Variants in ADAM32 observed in about 807,000 individuals in gnomAD.
ADAM32 encodes the protein ADAM metallopeptidase domain 32.
ADAM32 carries 89 observed loss-of-function variants against 114.9 expected under a neutral mutation model. The ratio of observed to expected loss-of-function variants is 0.77; its 90% confidence interval spans 0.65 to 0.92. The LOEUF (loss-of-function observed/expected upper bound fraction) is 0.92, where lower values mean the gene tolerates loss of function less well. Among genes scored for constraint, ADAM32 ranks in the 40% least tolerant of loss-of-function variants. ADAM32 has a pLI of 0.00. For missense variants in ADAM32, 870 were observed against 932.8 expected, an observed-to-expected ratio of 0.93 and a Z score of 0.88; for synonymous variants, 285 against 307.5, an observed-to-expected ratio of 0.93 and a Z score of 0.77.
chr8:39,211,907 A>G (rs1158368593), intron 12 of ADAM32, among the ~76,000 whole-genome samples: 1 of 152,226 alleles, frequency 6.6e-6, no homozygotes, highest in Non-Finnish European at 1.5e-5. Flanking sequence ...TGTTACATCC[A>G]TAGGTCTGAA....
chr8:39,273,431 G>A (rs1333061917), intron 20 of ADAM32, among the ~76,000 whole-genome samples: 2 of 152,114 alleles, frequency 1.3e-5, no homozygotes, highest in African/African-American at 4.8e-5. Flanking sequence ...GGAGGGTGAG[G>A]CAGGAGAATC....
At chr8:39,136,511 T>C in intron 2 of ADAM32, 146 bp from the exon 3 acceptor site, 1 of 543,420 alleles carries the variant, frequency 1.8e-6, no homozygotes, top group Non-Finnish European at 3.1e-6. Context: ...TTTTGATGTG[T>C]TGTTGCACAT....
At chr8:39,135,639 A>G (rs1802754889) in intron 2 of ADAM32, among the ~76,000 whole-genome samples, 1 of 152,230 alleles carries the variant, frequency 6.6e-6, no homozygotes, top group Non-Finnish European at 1.5e-5. Flanking sequence ...GATCCAATCC[A>G]GAATACTACC....
intron 11 of ADAM32, among the ~76,000 whole-genome samples, chr8:39,200,651 G>T (rs1167279873): frequency 1.3e-5 from 2 of 152,100 alleles, no homozygotes; most frequent in African/African-American, 4.8e-5. Context: ...GTCAATTTTG[G>T]CTTTTGTTGC....
At position 39,254,410 on chromosome 8, in the gene ADAM32, C is replaced by T. The variant is rs751693354; in HGVS notation, c.1903-4C>T. 3.8e-6 allele frequency: 6 copies of T among 1,581,530 alleles called. No homozygotes were observed. The highest frequency in any genetic ancestry group is 1.3e-5 in the African/African-American group (1 of 74,158). On this transcript the variant is annotated splice_region_variant and splice_polypyrimidine_tract_variant and intron_variant, in intron 17 of 24. Coordinates refer to ENST00000379907, the MANE Select transcript of ADAM32 (RefSeq NM_145004.7). Reference sequence around the variant, plus strand: ...AATCATTTAATTTTTCAAAATGATCCTAGGTGTGTGATTCCAGAAACAAGT... The same window carrying T: ...AATCATTTAATTTTTCAAAATGATCTTAGGTGTGTGATTCCAGAAACAAGT...
In ADAM32 at chr8:39,248,040, T is replaced by C. The variant is rs73608612; in HGVS notation, c.1902+1874T>C. On this transcript the variant is annotated intron_variant, in intron 17 of 24. Coordinates refer to ENST00000379907, the MANE Select transcript of ADAM32 (RefSeq NM_145004.7). ...TTGCTGGGCTCCTTATTCTATTTCA[T>C]TGATCCATTTGATTATTCTTTCTCC... Among the ~76,000 whole-genome samples the C allele has an allele frequency of 5.3e-3, 805 of 152,288 alleles. 3 individuals are homozygous for C. The highest frequency in any genetic ancestry group is 0.018 in the African/African-American group (747 of 41,570).
intron 2 of ADAM32, 57 bp downstream of exon 2, chr8:39,118,222 T>C (rs1027256244): frequency 1.9e-6 from 2 of 1,064,182 alleles, no homozygotes; most frequent in African/African-American, 1.7e-5. Flanking sequence ...ATTTTTATTA[T>C]ATAGCTATGA....
chr8:39,221,503 A>T (rs1585573625), intron 12 of ADAM32, 107 bp from the exon 13 acceptor site: 1 of 822,350 alleles, frequency 1.2e-6, no homozygotes, highest in South Asian at 1.6e-5. Flanking sequence ...AGCAGCATTC[A>T]TATCCTTTTC....
At chr8:39,209,677 A>G (rs1808084019) in intron 11 of ADAM32, among the ~76,000 whole-genome samples, 1 of 152,184 alleles carries the variant, frequency 6.6e-6, no homozygotes, top group Non-Finnish European at 1.5e-5. Flanking sequence ...CACTGCTGCC[A>G]TTTCAGCACT....
chr8:39,216,817 T>C (rs924779247), intron 12 of ADAM32, among the ~76,000 whole-genome samples: 1 of 151,856 alleles, frequency 6.6e-6, no homozygotes, highest in Non-Finnish European at 1.5e-5. Context: ...TCTTGAAAAG[T>C]TGTAGTTATT....
At chr8:39,108,061 ATTGT>A (rs2129443829) in intron 1 of ADAM32, 1 of 500,854 alleles carries the variant, frequency 2.0e-6, no homozygotes, top group Non-Finnish European at 3.3e-6. Context: ...AGGCGAGCTG[ATTGT>A]TTGACCTCGG....
intron 17 of ADAM32, among the ~76,000 whole-genome samples, chr8:39,251,161 T>C (rs1811265473): frequency 6.6e-6 from 1 of 151,956 alleles, no homozygotes; most frequent in Non-Finnish European, 1.5e-5. Context: ...TTTGAAGTAT[T>C]GATTTCCATT....
intron 6 of ADAM32, among the ~76,000 whole-genome samples, chr8:39,159,800 G>A (rs1458387394): frequency 6.6e-6 from 1 of 152,064 alleles, no homozygotes; most frequent in Non-Finnish European, 1.5e-5. Context: ...AATTCTTTGA[G>A]AACAAATTTG....
At chr8:39,203,350 C>T (rs1347274981) in intron 11 of ADAM32, among the ~76,000 whole-genome samples, 1 of 152,126 alleles carries the variant, frequency 6.6e-6, no homozygotes, top group Non-Finnish European at 1.5e-5. Flanking sequence ...GGATAGTTAG[C>T]TCTTCTTGTT....
intron 6 of ADAM32, among the ~76,000 whole-genome samples, chr8:39,154,609 T>C (rs998869660): frequency 6.6e-6 from 1 of 152,210 alleles, no homozygotes; most frequent in African/African-American, 2.4e-5. Context: ...CTTGAGGAAT[T>C]GCCACACTGT....
At chr8:39,239,621 G>T (rs1182811735) in intron 16 of ADAM32, among the ~76,000 whole-genome samples, 1 of 152,142 alleles carries the variant, frequency 6.6e-6, no homozygotes, top group Non-Finnish European at 1.5e-5. Flanking sequence ...TCACTTAAAA[G>T]ATTCAGAATG....
At chr8:39,198,143 G>A (rs1435542906) in intron 11 of ADAM32, among the ~76,000 whole-genome samples, 1 of 149,836 alleles carries the variant, frequency 6.7e-6, no homozygotes, top group Non-Finnish European at 1.5e-5. Flanking sequence ...ACTCTTTCAT[G>A]CTTTTGGTTT....
Position 39,223,062 on chromosome 8 carries a change from G to A in ADAM32, c.1349G>A (p.Cys450Tyr). Reference protein sequence around the residue: ...DCQILQSGVECRPKAHPECDI... With the variant: ...DCQILQSGVEYRPKAHPECDI... Reference sequence around the variant, plus strand: ...TAGATTTTACAATCAGGCGTTGAATGTAGGCCGAAAGCACATCCTGAATGT... The same window carrying A: ...TAGATTTTACAATCAGGCGTTGAATATAGGCCGAAAGCACATCCTGAATGT... Residue 450 changes from cysteine (C) to tyrosine (Y), a missense_variant, in exon 14 of 25, where the codon TGT becomes TAT. Cys to Tyr is a radical substitution (Grantham distance 194, BLOSUM62 -2). Coordinates refer to ENST00000379907, the MANE Select transcript of ADAM32 (RefSeq NM_145004.7). 1 of 1,586,922 alleles carries A rather than the reference G, an allele frequency of 6.3e-7. No individual in the cohort carries two copies. The highest frequency in any genetic ancestry group is 8.6e-7 in the Non-Finnish European group (1 of 1,167,372).
At chr8:39,107,715 C>T, upstream of ADAM32, 1 of 1,549,210 alleles carries the variant, frequency 6.5e-7, no homozygotes. Context: ...CGCGCGTCCC[C>T]GCGTCCCTGG....
Sources: gnomAD v4.1 joint callset for allele counts (sites outside exome capture counted in the v4.1 genomes callset) on GRCh38, gnomAD v4.1.1 for gene constraint, MANE v1.5 for transcripts, NCBI Gene and HGNC (gene_info 2026-07-23, HGNC 2026-07-21) for gene names.